RABGAP1: variants seen among roughly 807,000 people sequenced by gnomAD.
The protein encoded by RABGAP1 is RAB GTPase activating protein 1, also known as rab GTPase-activating protein 1.
Under a neutral mutation model 137.6 loss-of-function variants are expected in RABGAP1, and 23 were observed. The ratio of observed to expected loss-of-function variants is 0.17; its 90% CI spans 0.12 to 0.24. The LOEUF (loss-of-function observed/expected upper bound fraction) is 0.24. RABGAP1 is among the 10% of genes least tolerant of loss of function. The probability of loss-of-function intolerance (pLI) is 1.00; values close to 1 mark genes in which losing one functional copy is unlikely to be tolerated. For missense variants in RABGAP1, 906 were observed against 1,275.8 expected, an observed-to-expected ratio of 0.71 and a Z score of 4.42; for synonymous variants, 451 against 450.7, an observed-to-expected ratio of 1.00 and a Z score of -0.01.
chr9:123,031,645 C>A (rs774759764), intron 13 of RABGAP1, among the ~76,000 whole-genome samples: 6 of 152,174 alleles, frequency 3.9e-5, no homozygotes, highest in Non-Finnish European at 5.9e-5. Context: ...CTTGGTGACT[C>A]AGAACTAAGT....
chr9:123,007,309 A>G (rs1159765751), intron 10 of RABGAP1, among the ~76,000 whole-genome samples: 1 of 150,360 alleles, frequency 6.7e-6, no homozygotes, highest in Non-Finnish European at 1.5e-5. Flanking sequence ...TCCTGGCCTC[A>G]AGTAATCTAC....
chr9:122,970,085 T>TC (rs910209796), intron 2 of RABGAP1, among the ~76,000 whole-genome samples: 6 of 151,584 alleles, frequency 4.0e-5, no homozygotes, highest in Admixed American at 1.3e-4. Flanking sequence ...TTTTTTTTTT[T>TC]TTTTTCTTAG....
chr9:122,955,590 T>C (rs893523808), intron 1 of RABGAP1, among the ~76,000 whole-genome samples: 1 of 152,238 alleles, frequency 6.6e-6, no homozygotes, highest in Non-Finnish European at 1.5e-5. Context: ...CTTACTTCTC[T>C]TGGGGTTGCC....
intron 13 of RABGAP1, among the ~76,000 whole-genome samples, chr9:123,049,126 C>T (rs944843654): frequency 1.1e-4 from 17 of 152,138 alleles, no homozygotes; most frequent in African/African-American, 3.6e-4. Flanking sequence ...TCTATTTCAA[C>T]GTGTGGTATA....
the RABGAP1 span, among the ~76,000 whole-genome samples, chr9:122,931,923 C>T: frequency 1.4e-5 from 2 of 138,834 alleles, no homozygotes; most frequent in Non-Finnish European, 3.2e-5. Context: ...CGCGGGAGCC[C>T]GAAGAGCAGA....
At chr9:122,964,544 A>G (rs768165681) in intron 2 of RABGAP1, among the ~76,000 whole-genome samples, 22 of 152,202 alleles carry the variant, frequency 1.4e-4, no homozygotes, top group Non-Finnish European at 2.9e-4. Context: ...AAATGAGAAA[A>G]CTCAAACTAG....
chr9:122,976,640 T>G (rs1264583313), intron 2 of RABGAP1, among the ~76,000 whole-genome samples: 1 of 152,194 alleles, frequency 6.6e-6, no homozygotes. Flanking sequence ...TAACATTCAG[T>G]TCAGTAAATA....
chr9:123,089,388 G>A (rs115691616), intron 19 of RABGAP1, among the ~76,000 whole-genome samples: 12 of 152,300 alleles, frequency 7.9e-5, no homozygotes, highest in African/African-American at 2.6e-4. Context: ...TCGTAGAGGT[G>A]CTGTGAGGTC....
At chr9:123,053,871 A>G (rs990725193) in intron 13 of RABGAP1, among the ~76,000 whole-genome samples, 2 of 152,010 alleles carry the variant, frequency 1.3e-5, no homozygotes, top group Non-Finnish European at 2.9e-5. Flanking sequence ...TTAGCTTTCT[A>G]TTTTTCAACT....
chr9:122,950,385 T>TC (rs1434062843), intron 1 of RABGAP1, among the ~76,000 whole-genome samples: 1 of 144,124 alleles, frequency 6.9e-6, no homozygotes. Flanking sequence ...TTCTTTTTTT[T>TC]TTTTTTTTTT....
chr9:123,038,871 A>G (rs771043989), intron 13 of RABGAP1, among the ~76,000 whole-genome samples: 1 of 152,100 alleles, frequency 6.6e-6, no homozygotes, highest in Non-Finnish European at 1.5e-5. Flanking sequence ...ATCATATAGT[A>G]AAAATGAAGT....
At chr9:122,988,783 A>G (rs919086174) in intron 4 of RABGAP1, among the ~76,000 whole-genome samples, 5 of 151,992 alleles carry the variant, frequency 3.3e-5, no homozygotes, top group African/African-American at 1.2e-4. Context: ...CTCTACTAAA[A>G]ATACAAAAAA....
chr9:123,073,328 G>A (rs2034415465), intron 15 of RABGAP1, among the ~76,000 whole-genome samples: 1 of 152,178 alleles, frequency 6.6e-6, no homozygotes, highest in Non-Finnish European at 1.5e-5. Context: ...GAGACTCCTT[G>A]AGGACAGGAA....
intron 12 of RABGAP1, among the ~76,000 whole-genome samples, chr9:123,016,890 A>G (rs866423002): frequency 6.6e-6 from 1 of 152,174 alleles, no homozygotes; most frequent in Non-Finnish European, 1.5e-5. Flanking sequence ...CTGCTTTTAT[A>G]TTACTCTCAC....
In RABGAP1 at chr9:122,984,451, C is replaced by T. The variant is rs757076914; in HGVS notation, c.151-34C>T. ...TTAATCAATACTGGCCAATCTTTGT[C>T]ACTTTGCTGATTGCATGTATTTGTG... On this transcript the variant is annotated intron_variant, in intron 2 of 25. Coordinates refer to ENST00000373647, the MANE Select transcript of RABGAP1 (RefSeq NM_012197.4). 5.1e-6 allele frequency: 8 copies of T among 1,570,192 alleles called. No homozygotes were observed. In the African/African-American group the frequency reaches 1.1e-4, roughly 21 times the overall value.
At chr9:123,052,662 G>C (rs1351548573) in intron 13 of RABGAP1, among the ~76,000 whole-genome samples, 1 of 152,190 alleles carries the variant, frequency 6.6e-6, no homozygotes, top group Non-Finnish European at 1.5e-5. Flanking sequence ...GGGTGCGGTG[G>C]CCCACGCCTG....
chr9:123,051,705 A>T (rs893853233), intron 13 of RABGAP1, among the ~76,000 whole-genome samples: 1 of 152,036 alleles, frequency 6.6e-6, no homozygotes, highest in Non-Finnish European at 1.5e-5. Flanking sequence ...AGTCTGTGTC[A>T]TACCAATTTT....
In RABGAP1 at chr9:123,029,872, T is replaced by C. The variant is rs572930228; in HGVS notation, c.1794+9413T>C. On this transcript the variant is annotated intron_variant, in intron 13 of 25. Coordinates refer to ENST00000373647, the MANE Select transcript of RABGAP1 (RefSeq NM_012197.4). Reference sequence around the variant, plus strand: ...TGACACTAATGCCCAGAGGTGAAGCTTAGGAATTTGAAGAACTGAGATAAT... The same window carrying C: ...TGACACTAATGCCCAGAGGTGAAGCCTAGGAATTTGAAGAACTGAGATAAT... 177 of 287,646 alleles carry C rather than the reference T, an allele frequency of 6.2e-4. 3 individuals carry two copies. In the South Asian group the frequency reaches 7.3e-3, roughly 12 times the overall value. 17.8% of individuals were successfully genotyped at this position (287,646 alleles called of 1,614,324 possible).
At chr9:122,956,225 A>G (rs1239697663) in intron 1 of RABGAP1, among the ~76,000 whole-genome samples, 1 of 152,130 alleles carries the variant, frequency 6.6e-6, no homozygotes, top group Non-Finnish European at 1.5e-5. Flanking sequence ...CCAGCTCTAG[A>G]GTTTATGCTA....
Sources: gnomAD v4.1 joint callset for allele counts (sites outside exome capture counted in the v4.1 genomes callset) on GRCh38, gnomAD v4.1.1 for gene constraint, MANE v1.5 for transcripts, NCBI Gene and HGNC (gene_info 2026-07-23, HGNC 2026-07-21) for gene names.